MYZAP: variants seen among roughly 807,000 people sequenced by gnomAD.
MYZAP encodes GRINL1A complex locus upstream.
A neutral mutation model predicts 69.4 loss-of-function variants in MYZAP; 66 were observed. The ratio of observed to expected loss-of-function variants is 0.95; its 90% confidence interval spans 0.78 to 1.17. The LOEUF is 1.17. MYZAP is among the 50% of genes most tolerant of loss of function. The pLI is 0.00. For missense variants in MYZAP, 611 were observed against 556.2 expected, an observed-to-expected ratio of 1.10 and a Z score of -0.99; for synonymous variants, 256 against 205.9, an observed-to-expected ratio of 1.24 and a Z score of -2.09.
At chr15:57,593,044 T>C (rs1233167803) in intron 1 of MYZAP, among the ~76,000 whole-genome samples, 1 of 152,154 alleles carries the variant, frequency 6.6e-6, no homozygotes, top group Non-Finnish European at 1.5e-5. Flanking sequence ...TTACATGCCT[T>C]AAGCGAGTGA....
chr15:57,639,459 G>T lies in MYZAP; in HGVS notation c.1033G>T (p.Ala345Ser), dbSNP rs1415653671. 9.9e-6 allele frequency: 16 copies of T among 1,613,874 alleles called. No homozygotes were observed. Among genetic ancestry groups the T allele is most frequent in the Non-Finnish European group, 1.4e-5 (16 of 1,179,954 alleles). The change falls in exon 10 of 13, where the codon GCA (alanine) becomes TCA (serine). Residue 345 changes from alanine to serine, a missense_variant. Coordinates refer to ENST00000267853, the MANE Select transcript of MYZAP (RefSeq NM_001018100.5). ...DKERYQQLEE[A>S]SASLRERIRH... is the part of the protein sequence containing the mutation. ...TGTTAGGTATCAGCAGTTGGAGGAG[G>T]CATCAGCCAGCCTCCGTGAGCGGAT...
At chr15:57,629,088 C>CAAAAAAAAAA (rs1274144448) in intron 5 of MYZAP, among the ~76,000 whole-genome samples, 5 of 115,088 alleles carry the variant, frequency 4.3e-5, no homozygotes, top group Non-Finnish European at 6.9e-5. Context: ...GTCTCAAAAA[C>CAAAAAAAAAA]AAAAAAAAAA....
At position 57,604,301 on chromosome 15, in the gene MYZAP, T is replaced by C. The variant is rs1328361982; in HGVS notation, c.108T>C (p.Pro36=). The C allele has an allele frequency of 6.2e-7, 1 of 1,614,044 alleles. No individual in the cohort carries two copies. The highest frequency in any genetic ancestry group is 8.5e-7 in the Non-Finnish European group (1 of 1,180,022). The change falls in exon 2 of 13, where the codon CCT becomes CCC. Residue 36 remains proline, a synonymous_variant. Coordinates refer to ENST00000267853, the MANE Select transcript of MYZAP (RefSeq NM_001018100.5). The part of the protein sequence containing the change: ...ANVCRLRLTV[P]PESPVPEQCE... ...TTTGCAGACTACGGCTGACCGTACC[T>C]CCTGAGAGTCCAGTTCCTGAGCAAT...
At chr15:57,618,389 G>C (rs2035609221) in intron 3 of MYZAP, among the ~76,000 whole-genome samples, 1 of 152,260 alleles carries the variant, frequency 6.6e-6, no homozygotes, top group Non-Finnish European at 1.5e-5. Flanking sequence ...GAAAGGTTGA[G>C]CTTCTGCTGG....
In MYZAP at chr15:57,681,255, C is replaced by T. The variant is rs549919962; in HGVS notation, c.1305-3147C>T. ...AACTGCCTGGTCAGGTCAGTGGGGCCTCCTGGATCACCAGGTCCCATGGAT... is the reference window on the plus strand; with the variant it reads ...AACTGCCTGGTCAGGTCAGTGGGGCTTCCTGGATCACCAGGTCCCATGGAT... On this transcript the variant is annotated intron_variant, in intron 12 of 12. Coordinates refer to ENST00000267853, the MANE Select transcript of MYZAP (RefSeq NM_001018100.5). Among the ~76,000 whole-genome samples, 17 of 152,266 alleles carry T rather than the reference C, an allele frequency of 1.1e-4. No individual in the cohort carries two copies. In the South Asian group the frequency reaches 3.5e-3, roughly 32 times the overall value.
At chr15:57,666,653 A>G (rs1202080091) in intron 11 of MYZAP, among the ~76,000 whole-genome samples, 1 of 152,032 alleles carries the variant, frequency 6.6e-6, no homozygotes, top group East Asian at 1.9e-4. Flanking sequence ...AACGATAAAC[A>G]CTGGGGATTA....
chr15:57,661,680 G>A, intron 11 of MYZAP, 147 bp downstream of exon 11: 1 of 681,100 alleles, frequency 1.5e-6, no homozygotes, highest in South Asian at 2.3e-5. Flanking sequence ...TTGAAAATGA[G>A]GTTCTGACAG....
At chr15:57,631,465 G>GAAAA (rs58374321) in intron 6 of MYZAP, among the ~76,000 whole-genome samples, 5 of 149,542 alleles carry the variant, frequency 3.3e-5, no homozygotes, top group East Asian at 2.0e-4. Context: ...CCCAAATTGG[G>GAAAA]AAAAAAAAAA....
chr15:57,653,132 A>G (rs1448055621), intron 10 of MYZAP, among the ~76,000 whole-genome samples: 1 of 152,156 alleles, frequency 6.6e-6, no homozygotes, highest in African/African-American at 2.4e-5. Context: ...GCTTTGGTGT[A>G]TTTATTAACC....
At chr15:57,597,451 T>C (rs1167412343) in intron 1 of MYZAP, among the ~76,000 whole-genome samples, 1 of 152,210 alleles carries the variant, frequency 6.6e-6, no homozygotes, top group East Asian at 1.9e-4. Context: ...TTCTTGGAAA[T>C]GCAGACACTC....
At chr15:57,611,996 A>G (rs1205095780) in intron 2 of MYZAP, among the ~76,000 whole-genome samples, 1 of 152,140 alleles carries the variant, frequency 6.6e-6, no homozygotes, top group African/African-American at 2.4e-5. Flanking sequence ...GGTAATGTTC[A>G]TTTTTGTCCA....
chr15:57,599,546 T>C, intron 1 of MYZAP: 1 of 1,269,834 alleles, frequency 7.9e-7, no homozygotes, highest in Non-Finnish European at 1.0e-6. Flanking sequence ...GTTCTTCGCA[T>C]TGTGCATAAC....
At chr15:57,661,610 TAATTAA>T in intron 11 of MYZAP, 77 bp downstream of exon 11, 1 of 1,231,640 alleles carries the variant, frequency 8.1e-7, no homozygotes, top group Non-Finnish European at 1.1e-6. Context: ...CACCGACACT[TAATTAA>T]AAATATGGCT....
rs146687859 is a variant in MYZAP at position 57,667,695 on chromosome 15, T to C, written c.1203+6162T>C. On this transcript the variant is annotated intron_variant, in intron 11 of 12. Coordinates refer to ENST00000267853, the MANE Select transcript of MYZAP (RefSeq NM_001018100.5). The stretch of plus-strand genomic sequence containing the variant: ...CTCCTCTTACTGCCCATGTTCAGGC[T>C]CTCATCATCTTTTATTTTTTACCTT... Among the ~76,000 whole-genome samples, 84 of 152,348 alleles carry C rather than the reference T, an allele frequency of 5.5e-4. 1 individual carries two copies. In the East Asian group the frequency reaches 0.015, roughly 28 times the overall value.
intron 3 of MYZAP, among the ~76,000 whole-genome samples, chr15:57,621,203 T>TC (rs1567210517): frequency 8.4e-6 from 1 of 119,020 alleles, no homozygotes; most frequent in Non-Finnish European, 1.8e-5. Context: ...TTCTTTCTTT[T>TC]TCTTTTTTTT....
At chr15:57,641,459 T>A (rs779351492) in intron 10 of MYZAP, among the ~76,000 whole-genome samples, 10 of 152,194 alleles carry the variant, frequency 6.6e-5, no homozygotes, top group Non-Finnish European at 1.2e-4. Context: ...TAAAGATCAC[T>A]GTCCATGCTT....
chr15:57,599,282 G>C (rs1018427709), intron 1 of MYZAP: 68 of 189,162 alleles, frequency 3.6e-4, no homozygotes, highest in African/African-American at 1.6e-3. Context: ...ACCTTGTATT[G>C]GTTATTCCAA....
intron 4 of MYZAP, among the ~76,000 whole-genome samples, chr15:57,622,292 GGAAA>G (rs2035866976): frequency 6.6e-6 from 1 of 151,974 alleles, no homozygotes; most frequent in Admixed American, 6.6e-5. Flanking sequence ...TATAATAAGT[GGAAA>G]GAAACACCAT....
chr15:57,634,723 G>T (rs1369710113), intron 8 of MYZAP, among the ~76,000 whole-genome samples: 1 of 152,224 alleles, frequency 6.6e-6, no homozygotes, highest in African/African-American at 2.4e-5. Flanking sequence ...TGGGTGCTTC[G>T]TTTTAGCTCT....
Sources: allele counts gnomAD v4.1 joint callset (sites outside exome capture counted in the v4.1 genomes callset), GRCh38; gene constraint gnomAD v4.1.1; transcripts MANE v1.5; gene names NCBI Gene and HGNC (gene_info 2026-07-23, HGNC 2026-07-21).